The following MSI2 variants were observed in gnomAD, a reference collection of about 807,000 sequenced individuals.
MSI2 encodes musashi RNA binding protein 2.
A neutral mutation model predicts 45.6 loss-of-function variants in MSI2; 17 were observed. The observed-to-expected ratio is 0.37, with a 90% CI of 0.26 to 0.56. The LOEUF (loss-of-function observed/expected upper bound fraction) is 0.56, where lower values mean the gene tolerates loss of function less well. Among genes scored for constraint, MSI2 ranks in the 20% least tolerant of loss-of-function variants. The pLI is 0.77. For missense variants in MSI2, 293 were observed against 444.2 expected (o/e 0.66, Z 3.06); for synonymous variants, 156 against 158.2 (o/e 0.99, Z 0.11).
chr17:57,374,871 C>G (rs1304575872), intron 5 of MSI2, among the ~76,000 whole-genome samples: 6 of 152,178 alleles, frequency 3.9e-5, no homozygotes, highest in Non-Finnish European at 8.8e-5. Flanking sequence ...TTGGGATGTG[C>G]TTTAGGCAAG....
intron 5 of MSI2, among the ~76,000 whole-genome samples, chr17:57,382,924 T>C (rs2083622161): frequency 6.6e-6 from 1 of 152,220 alleles, no homozygotes; most frequent in Admixed American, 6.5e-5. Flanking sequence ...CTGAGTACTC[T>C]GCTATGTCCC....
chr17:57,680,805 A>G lies in MSI2; in HGVS notation c.*1288A>G, dbSNP rs950893264. 1 of 210,324 alleles carries G rather than the reference A, an allele frequency of 4.8e-6. No individual in the cohort carries two copies. The highest frequency in any genetic ancestry group is 9.7e-6 in the Non-Finnish European group (1 of 103,564). 13.0% of individuals were successfully genotyped at this position (210,324 alleles called of 1,614,324 possible). A position where few individuals can be genotyped will look rare whatever the true frequency, so the allele number is the denominator to read the frequency against. On this transcript the variant is annotated 3_prime_UTR_variant, in exon 14 of 14. Transcript: ENST00000284073. ...TCTTTTTCAGTCTTAATTTTTAAAT[A>G]TTTGATCATTTTCTATTGTCCAATC...
chr17:57,439,708 G>A (rs1230322051), intron 6 of MSI2, among the ~76,000 whole-genome samples: 6 of 152,190 alleles, frequency 3.9e-5, no homozygotes, highest in South Asian at 2.1e-4. Context: ...ACAGGCGTGC[G>A]CCACCTTGCC....
intron 6 of MSI2, among the ~76,000 whole-genome samples, chr17:57,471,207 T>C (rs956808903): frequency 6.6e-6 from 1 of 150,906 alleles, no homozygotes; most frequent in Non-Finnish European, 1.5e-5. Context: ...TTTAGCTCCA[T>C]CCAAGGTTTC....
At chr17:57,285,738 A>G (rs1223881809) in intron 5 of MSI2, 3 of 898,796 alleles carry the variant, frequency 3.3e-6, no homozygotes, top group Non-Finnish European at 4.6e-6. Context: ...ATTCCTGAGA[A>G]TTTCTGTGTA....
At chr17:57,506,658 G>A (rs2086235719) in intron 6 of MSI2, among the ~76,000 whole-genome samples, 1 of 152,118 alleles carries the variant, frequency 6.6e-6, no homozygotes, top group African/African-American at 2.4e-5. Flanking sequence ...GGAGTGGAGG[G>A]GGCTCTGCCT....
intron 5 of MSI2, among the ~76,000 whole-genome samples, chr17:57,357,073 G>A (rs1171186233): frequency 6.6e-6 from 1 of 152,140 alleles, no homozygotes; most frequent in African/African-American, 2.4e-5. Context: ...TTCTCATCTT[G>A]TGTGCTCGAG....
chr17:57,289,264 G>A (rs2013420329), intron 5 of MSI2, among the ~76,000 whole-genome samples: 1 of 152,120 alleles, frequency 6.6e-6, no homozygotes, highest in Non-Finnish European at 1.5e-5. Context: ...TTCCACCCAG[G>A]CCAGCATCTC....
intron 6 of MSI2, among the ~76,000 whole-genome samples, chr17:57,524,735 A>C (rs1464899273): frequency 6.6e-6 from 1 of 152,224 alleles, no homozygotes; most frequent in Non-Finnish European, 1.5e-5. Flanking sequence ...TAAACATCTG[A>C]GAGAAGGGGA....
At chr17:57,542,610 G>A (rs1039195395) in intron 7 of MSI2, among the ~76,000 whole-genome samples, 2 of 152,232 alleles carry the variant, frequency 1.3e-5, no homozygotes, top group Non-Finnish European at 2.9e-5. Context: ...ATGGAGCCCT[G>A]GCATTGGTTA....
intron 7 of MSI2, among the ~76,000 whole-genome samples, chr17:57,561,177 G>A (rs2087565720): frequency 6.6e-6 from 1 of 152,176 alleles, no homozygotes; most frequent in Non-Finnish European, 1.5e-5. Context: ...AAGAAACCAA[G>A]CGAAGTGATG....
At chr17:57,269,534 C>A (rs1470253283) in intron 5 of MSI2, among the ~76,000 whole-genome samples, 2 of 152,210 alleles carry the variant, frequency 1.3e-5, no homozygotes, top group African/African-American at 4.8e-5. Context: ...ATGCTCTTAG[C>A]AGATGCCACC....
chr17:57,554,834 G>T (rs138474167), intron 7 of MSI2, among the ~76,000 whole-genome samples: 1 of 152,264 alleles, frequency 6.6e-6, no homozygotes, highest in Admixed American at 6.5e-5. Flanking sequence ...GCTTTGGCCC[G>T]TGGGCCATAT....
At chr17:57,424,972 C>T (rs933056394) in intron 6 of MSI2, among the ~76,000 whole-genome samples, 6 of 152,166 alleles carry the variant, frequency 3.9e-5, no homozygotes, top group Admixed American at 2.6e-4. Context: ...TGATCCTCAG[C>T]GAGGCCCCAT....
At chr17:57,456,740 C>T (rs1408998033) in intron 6 of MSI2, among the ~76,000 whole-genome samples, 2 of 152,148 alleles carry the variant, frequency 1.3e-5, no homozygotes. Flanking sequence ...GCCTTTGGGT[C>T]CGTAAATCTT....
intron 6 of MSI2, among the ~76,000 whole-genome samples, chr17:57,467,754 A>G (rs2085354846): frequency 6.6e-6 from 1 of 151,726 alleles, no homozygotes; most frequent in South Asian, 2.1e-4. Context: ...TCTTCCGTGA[A>G]CATTTACGGA....
Position 57,632,573 on chromosome 17 carries a change from A to G in MSI2, c.727+5270A>G, listed in dbSNP as rs1598476183. On this transcript the variant is annotated intron_variant, in intron 10 of 13. Coordinates refer to ENST00000284073, the MANE Select transcript of MSI2 (RefSeq NM_138962.4). ...CCTTGCCTGCTGGCACCATTGGAGT[A>G]GGAGGGGGTGGAACACAGGGGGCCC... The G allele has an allele frequency of 4.7e-6, 5 of 1,066,782 alleles. No homozygotes were observed. The East Asian group carries it at 2.5e-4, about 53-fold the overall frequency. 66.1% of individuals were successfully genotyped at this position (1,066,782 alleles called of 1,614,324 possible). A position where few individuals can be genotyped will look rare whatever the true frequency, so the allele number is the denominator to read the frequency against.
rs1041399535 is a variant in MSI2, at chr17:57,529,262, C to G, written c.406-414C>G. On this transcript the variant is annotated intron_variant, in intron 6 of 13. Coordinates refer to ENST00000284073, the MANE Select transcript of MSI2 (RefSeq NM_138962.4). The surrounding 1 kb of genome is among the most constrained non-coding windows in gnomAD (Gnocchi z 5.3). ...ACCAGTCTGAGCAACATAGTGGGACCCTGTCTCTAAAAAAATAAAATAAAA... is the reference window on the plus strand; with the variant it reads ...ACCAGTCTGAGCAACATAGTGGGACGCTGTCTCTAAAAAAATAAAATAAAA... Among the ~76,000 whole-genome samples the G allele has an allele frequency of 6.6e-6, 1 of 151,944 alleles. No individual in the cohort carries two copies. The highest frequency in any genetic ancestry group is 1.5e-5 in the Non-Finnish European group (1 of 68,004).
intron 5 of MSI2, among the ~76,000 whole-genome samples, chr17:57,345,103 G>T (rs1271722523): frequency 6.6e-6 from 1 of 152,062 alleles, no homozygotes; most frequent in Non-Finnish European, 1.5e-5. Context: ...TTCAAGGCTT[G>T]TTTGCATTTC....
Sources: gnomAD v4.1 joint callset for allele counts (sites outside exome capture counted in the v4.1 genomes callset) on GRCh38, gnomAD v4.1.1 for gene constraint, Gnocchi (gnomAD v3.1) non-coding constraint, MANE v1.5 for transcripts, NCBI Gene and HGNC (gene_info 2026-07-23, HGNC 2026-07-21) for gene names.